The following DNAAF11 variants were observed in gnomAD, a reference collection of about 807,000 sequenced individuals.
DNAAF11 encodes dynein axonemal assembly factor 11, also known as leucine rich repeat containing 6.
In DNAAF11, 45 loss-of-function variants were observed where a neutral mutation model predicts 60.8. The observed-to-expected ratio is 0.74, with a 90% CI of 0.58 to 0.95. The LOEUF (loss-of-function observed/expected upper bound fraction) is 0.95. Ranked by LOEUF, DNAAF11 falls within the 40% of genes least tolerant of loss-of-function variation. The pLI is 0.00. For synonymous variants in DNAAF11, 191 were observed against 183.5 expected (o/e 1.04, Z -0.33); for missense variants, 546 against 546.2 (o/e 1.00, Z 0.00).
intron 9 of DNAAF11, 109 bp downstream of exon 9, chr8:132,611,185 C>T (rs187912454): frequency 2.9e-5 from 21 of 719,228 alleles, no homozygotes; most frequent in Admixed American, 2.1e-4. Flanking sequence ...TGAGCCACTG[C>T]GCCCGGGCCC....
Position 132,661,550 on chromosome 8 carries a change from G to C in DNAAF11, c.88C>G (p.Gln30Glu). ...IFSLEELSLH[Q>E]QEIERLEHID... ...TGTTCTAGTCTTTCTATTTCTTGCT[G>C]ATGCAACGAGAGTTCCTCCAGGGAA... The change falls in exon 2 of 12, where the codon CAG (glutamine) becomes GAG (glutamate). Residue 30 changes from glutamine to glutamate, a missense_variant. Coordinates refer to ENST00000620350, the MANE Select transcript of DNAAF11 (RefSeq NM_012472.6). The C allele has an allele frequency of 6.2e-7, 1 of 1,613,778 alleles. No individual in the cohort carries two copies. The highest frequency in any genetic ancestry group is 8.5e-7 in the Non-Finnish European group (1 of 1,179,714).
intron 10 of DNAAF11, among the ~76,000 whole-genome samples, chr8:132,604,727 A>G (rs755658915): frequency 6.6e-6 from 1 of 152,176 alleles, no homozygotes; most frequent in Admixed American, 6.6e-5. Flanking sequence ...TGAAGGCCAG[A>G]CATAAACTCC....
rs990356437 is a variant in DNAAF11 at position 132,570,729 on chromosome 8, T to C, written c.*1577A>G. On this transcript the variant is annotated 3_prime_UTR_variant, in exon 12 of 12. Coordinates refer to ENST00000620350, the MANE Select transcript of DNAAF11 (RefSeq NM_012472.6). ...AGCCTGCTGCAGCTGATCCTTGATCTCCACCACTGTGTGTCCATCCCATCT... is the reference window on the plus strand; with the variant it reads ...AGCCTGCTGCAGCTGATCCTTGATCCCCACCACTGTGTGTCCATCCCATCT... 7.2e-5 allele frequency among the ~76,000 whole-genome samples: 11 copies of C among 152,226 alleles called. No homozygotes were observed. Among genetic ancestry groups the C allele is most frequent in the African/African-American group, 2.7e-4 (11 of 41,452 alleles).
intron 2 of DNAAF11, among the ~76,000 whole-genome samples, chr8:132,660,612 A>G (rs571290196): frequency 1.3e-5 from 2 of 152,142 alleles, no homozygotes; most frequent in African/African-American, 4.8e-5. Flanking sequence ...CCTTTAATTC[A>G]TCATTCTTCT....
At chr8:132,608,429 TATTA>T (rs1818328265) in intron 10 of DNAAF11, 1 of 433,920 alleles carries the variant, frequency 2.3e-6, no homozygotes, top group Non-Finnish European at 4.6e-6. Flanking sequence ...AGCCATTTAT[TATTA>T]TTTTCATGTG....
At chr8:132,624,957 T>G (rs1022253470) in intron 6 of DNAAF11, among the ~76,000 whole-genome samples, 2 of 152,180 alleles carry the variant, frequency 1.3e-5, no homozygotes, top group African/African-American at 4.8e-5. Context: ...AATGACCTTT[T>G]TCTAGGCTAG....
chr8:132,600,525 A>G (rs1817500702), intron 10 of DNAAF11, among the ~76,000 whole-genome samples: 2 of 152,198 alleles, frequency 1.3e-5, no homozygotes, highest in African/African-American at 2.4e-5. Context: ...TTCAAACTAC[A>G]CTACAAGGCT....
chr8:132,571,657 G>C lies in DNAAF11; in HGVS notation c.*649C>G, dbSNP rs992121190. ...AAATGTATGGCTGACACTGTACTAAGTGCTTTCTGCAGTTTATCTTGAGAC... is the reference window on the plus strand; with the variant it reads ...AAATGTATGGCTGACACTGTACTAACTGCTTTCTGCAGTTTATCTTGAGAC... On this transcript the variant is annotated 3_prime_UTR_variant, in exon 12 of 12. Transcript: ENST00000620350. 6.6e-6 allele frequency among the ~76,000 whole-genome samples: 1 copy of C among 152,160 alleles called. No individual in the cohort carries two copies. Among genetic ancestry groups the C allele is most frequent in the Admixed American group, 6.5e-5 (1 of 15,278 alleles).
At chr8:132,677,021 G>A (rs886692920), upstream of DNAAF11, among the ~76,000 whole-genome samples, 2 of 152,166 alleles carry the variant, frequency 1.3e-5, no homozygotes, top group African/African-American at 4.8e-5. Flanking sequence ...TTACTGTGTG[G>A]CATCAGACAG....
At chr8:132,580,248 C>G (rs1228105640) in intron 11 of DNAAF11, among the ~76,000 whole-genome samples, 2 of 152,192 alleles carry the variant, frequency 1.3e-5, no homozygotes, top group African/African-American at 4.8e-5. Context: ...CACTCCACTA[C>G]TCAACACTGT....
chr8:132,597,481 C>T (rs1407073573), intron 10 of DNAAF11, among the ~76,000 whole-genome samples: 1 of 152,148 alleles, frequency 6.6e-6, no homozygotes, highest in African/African-American at 2.4e-5. Context: ...AGGGCCTGAC[C>T]TTCATCTGGT....
intron 10 of DNAAF11, among the ~76,000 whole-genome samples, chr8:132,596,517 C>A (rs766062354): frequency 3.3e-5 from 5 of 152,096 alleles, no homozygotes; most frequent in Non-Finnish European, 5.9e-5. Flanking sequence ...ATAAAATTTT[C>A]TTTTACAATC....
intron 7 of DNAAF11, among the ~76,000 whole-genome samples, chr8:132,616,590 A>C (rs975361160): frequency 2.6e-5 from 4 of 152,182 alleles, no homozygotes; most frequent in African/African-American, 9.7e-5. Context: ...GAGATGGAGA[A>C]CACAGGGACA....
At chr8:132,651,540 A>T (rs1823014257) in intron 3 of DNAAF11, among the ~76,000 whole-genome samples, 1 of 152,322 alleles carries the variant, frequency 6.6e-6, no homozygotes, top group South Asian at 2.1e-4. Context: ...TTAAAGCTGG[A>T]AAGCAGAGCA....
chr8:132,680,858 AT>A, the DNAAF11 span, among the ~76,000 whole-genome samples: 1 of 151,832 alleles, frequency 6.6e-6, no homozygotes, highest in Admixed American at 6.6e-5. Flanking sequence ...TAATTGGCAC[AT>A]TACATGTAAA....
intron 5 of DNAAF11, among the ~76,000 whole-genome samples, chr8:132,629,210 A>G (rs1481021554): frequency 6.6e-6 from 1 of 152,210 alleles, no homozygotes; most frequent in East Asian, 1.9e-4. Flanking sequence ...GCTTTTCATC[A>G]ACTGAGAATA....
chr8:132,608,507 C>T (rs1393567401), intron 10 of DNAAF11: 1 of 446,536 alleles, frequency 2.2e-6, no homozygotes, highest in African/African-American at 2.0e-5. Context: ...TTGTTTAAGA[C>T]TCATAAACAG....
chr8:132,589,394 C>T (rs1027093569), intron 10 of DNAAF11, among the ~76,000 whole-genome samples: 1 of 152,138 alleles, frequency 6.6e-6, no homozygotes, highest in African/African-American at 2.4e-5. Flanking sequence ...CTTTGCAGTG[C>T]TTTCTTCCCA....
the DNAAF11 span, among the ~76,000 whole-genome samples, chr8:132,691,679 C>T: frequency 6.6e-6 from 1 of 152,038 alleles, no homozygotes; most frequent in South Asian, 2.1e-4. Flanking sequence ...AAATAAACTA[C>T]CATTTATGAA....
Sources: gnomAD v4.1 joint callset for allele counts (sites outside exome capture counted in the v4.1 genomes callset) on GRCh38, gnomAD v4.1.1 for gene constraint, MANE v1.5 for transcripts, NCBI Gene and HGNC (gene_info 2026-07-23, HGNC 2026-07-21) for gene names.